The following ARID1B variants were observed in gnomAD, a reference collection of about 807,000 sequenced individuals.
The protein encoded by ARID1B is AT-rich interaction domain 1B, also known as AT-rich interactive domain-containing protein 1B.
A neutral mutation model predicts 212.3 loss-of-function variants in ARID1B; 30 were observed. The ratio of observed to expected loss-of-function variants is 0.14; its 90% CI spans 0.11 to 0.19. The LOEUF (loss-of-function observed/expected upper bound fraction) is 0.19, where lower values mean the gene tolerates loss of function less well. ARID1B is among the 10% of genes least tolerant of loss of function. The pLI is 1.00. For missense variants in ARID1B, 2,891 were observed against 3,204.0 expected (o/e 0.90, Z 2.36); for synonymous variants, 1,402 against 1,301.7 (o/e 1.08, Z -1.66).
At chr6:157,117,730 G>A (rs971700068) in intron 6 of ARID1B, among the ~76,000 whole-genome samples, 39 of 152,130 alleles carry the variant, frequency 2.6e-4, no homozygotes, top group Non-Finnish European at 4.1e-4. Context: ...TTATTGTTTG[G>A]AATTAAGAAA....
At chr6:157,089,512 A>G (rs1429753514) in intron 5 of ARID1B, among the ~76,000 whole-genome samples, 1 of 152,186 alleles carries the variant, frequency 6.6e-6, no homozygotes, top group Non-Finnish European at 1.5e-5. Context: ...TATGTTAGGT[A>G]GCCACATGGA....
At chr6:156,896,199 G>C (rs942624282) in intron 2 of ARID1B, among the ~76,000 whole-genome samples, 4 of 152,136 alleles carry the variant, frequency 2.6e-5, no homozygotes, top group African/African-American at 9.7e-5. Context: ...TGGAACATGT[G>C]TGTTTCATGG....
intron 4 of ARID1B, chr6:156,936,488 G>C (rs915484709): frequency 6.6e-6 from 1 of 151,062 alleles, no homozygotes; most frequent in Non-Finnish European, 1.5e-5. Context: ...TACTTAATTT[G>C]CCTTCTTTTA....
chr6:156,958,202 C>T (rs1794106691), intron 4 of ARID1B, among the ~76,000 whole-genome samples: 1 of 152,278 alleles, frequency 6.6e-6, no homozygotes, highest in East Asian at 1.9e-4. Flanking sequence ...AGGTTAAAGA[C>T]TAACTTGTTT....
chr6:156,911,979 T>G (rs549213501), intron 3 of ARID1B, among the ~76,000 whole-genome samples: 2 of 152,210 alleles, frequency 1.3e-5, no homozygotes, highest in Non-Finnish European at 2.9e-5. Context: ...TGTTATAAAT[T>G]TGTAAATAAA....
At chr6:156,814,983 A>G (rs1781861787) in intron 1 of ARID1B, among the ~76,000 whole-genome samples, 1 of 152,214 alleles carries the variant, frequency 6.6e-6, no homozygotes, top group African/African-American at 2.4e-5. Context: ...AGTGAGCAAG[A>G]AATTCAATAT....
At chr6:157,067,293 G>A (rs1385147187) in intron 4 of ARID1B, among the ~76,000 whole-genome samples, 3 of 152,196 alleles carry the variant, frequency 2.0e-5, no homozygotes, top group Non-Finnish European at 2.9e-5. Context: ...TCCTAACCAC[G>A]AAGCTTTGCT....
chr6:157,021,944 T>C (rs1780322330), intron 4 of ARID1B, among the ~76,000 whole-genome samples: 1 of 152,122 alleles, frequency 6.6e-6, no homozygotes, highest in Non-Finnish European at 1.5e-5. Context: ...GCCCAGCGCT[T>C]AAGGTTTTAT....
In ARID1B at chr6:157,171,133, G is replaced by A. The variant is rs546686527; in HGVS notation, c.3236-2875G>A. Among the ~76,000 whole-genome samples the A allele has an allele frequency of 2.8e-4, 43 of 152,288 alleles. 1 individual carries two copies. The highest frequency in any genetic ancestry group is 1.2e-3 in the Admixed American group (19 of 15,294). The stretch of plus-strand genomic sequence containing the variant: ...TTGACTCATGTCATGTGTTCTTTAC[G>A]TTCCTTTTGAATATATTAAATCCAG... On this transcript the variant is annotated intron_variant, in intron 9 of 19. Transcript: ENST00000636930.
chr6:156,896,600 A>AAAAAAAAAAAAAAG (rs1491291654), intron 2 of ARID1B, among the ~76,000 whole-genome samples: 1 of 146,324 alleles, frequency 6.8e-6, no homozygotes, highest in African/African-American at 2.6e-5. Flanking sequence ...AAAAAAAAAA[A>AAAAAAAAAAAAAAG]GAGGACACAG....
At chr6:156,857,749 A>G (rs1785050260) in intron 2 of ARID1B, among the ~76,000 whole-genome samples, 1 of 152,250 alleles carries the variant, frequency 6.6e-6, no homozygotes, top group Non-Finnish European at 1.5e-5. Context: ...GAAATGTGTC[A>G]TCAGACAGTG....
At chr6:156,995,105 G>T (rs866029612) in intron 4 of ARID1B, among the ~76,000 whole-genome samples, 20 of 152,184 alleles carry the variant, frequency 1.3e-4, no homozygotes, top group African/African-American at 4.8e-4. Flanking sequence ...CTCTGAAGAG[G>T]GCCCTACTGG....
chr6:156,905,121 A>G (rs947203309), intron 3 of ARID1B, among the ~76,000 whole-genome samples: 1 of 152,046 alleles, frequency 6.6e-6, no homozygotes, highest in Admixed American at 6.5e-5. Flanking sequence ...GTCTTTAAAA[A>G]TTATTTTTAA....
At chr6:157,184,160 CT>C in intron 12 of ARID1B, 70 bp from the exon 13 acceptor site, 9 of 1,427,408 alleles carry the variant, frequency 6.3e-6, no homozygotes, top group South Asian at 1.4e-5. Context: ...ACATTAAGTG[CT>C]TTTTTTGTCT....
chr6:156,907,269 A>C (rs1345910993), intron 3 of ARID1B, among the ~76,000 whole-genome samples: 1 of 151,988 alleles, frequency 6.6e-6, no homozygotes, highest in African/African-American at 2.4e-5. Flanking sequence ...TGGGCTAAGG[A>C]AGTTCCCTTC....
chr6:157,153,221 C>T (rs1438942615), intron 8 of ARID1B, among the ~76,000 whole-genome samples: 1 of 151,934 alleles, frequency 6.6e-6, no homozygotes, highest in Non-Finnish European at 1.5e-5. Flanking sequence ...TTCTTTTTCA[C>T]CTTTTGAGTA....
Position 156,797,802 on chromosome 6 carries a change from A to G in ARID1B, c.1791+18331A>G, listed in dbSNP as rs149558409. Among the ~76,000 whole-genome samples the G allele has an allele frequency of 3.5e-3, 535 of 152,372 alleles. 6 individuals carry two copies. Among genetic ancestry groups the G allele is most frequent in the African/African-American group, 0.012 (513 of 41,588 alleles). ...GCCTGAGGTGCCAGCTGAGAGGCCA[A>G]TGACACTGCCCTGCGGAGCACGTGC... On this transcript the variant is annotated intron_variant, in intron 1 of 19. Coordinates refer to ENST00000636930, the MANE Select transcript of ARID1B (RefSeq NM_001374828.1).
At chr6:157,082,795 G>A (rs1319502585) in intron 4 of ARID1B, among the ~76,000 whole-genome samples, 3 of 152,162 alleles carry the variant, frequency 2.0e-5, no homozygotes, top group Non-Finnish European at 4.4e-5. Flanking sequence ...TTTCCCATAA[G>A]CACAGTCATT....
At chr6:156,811,027 C>T (rs985397697) in intron 1 of ARID1B, among the ~76,000 whole-genome samples, 1 of 152,112 alleles carries the variant, frequency 6.6e-6, no homozygotes, top group Admixed American at 6.6e-5. Flanking sequence ...AGAGGCTTGA[C>T]TGGGGAAGGC....
Sources: gnomAD v4.1 joint callset for allele counts (sites outside exome capture counted in the v4.1 genomes callset) on GRCh38, gnomAD v4.1.1 for gene constraint, MANE v1.5 for transcripts, NCBI Gene and HGNC (gene_info 2026-07-23, HGNC 2026-07-21) for gene names.